Variants in TMEM117 observed in about 807,000 individuals in gnomAD.
The protein encoded by TMEM117 is transmembrane protein 117.
In TMEM117, 27 loss-of-function variants were observed where a neutral mutation model predicts 52.4. That is an observed-to-expected ratio of 0.51 (90% confidence interval 0.38 to 0.71). The LOEUF is 0.71. Ranked by LOEUF, TMEM117 falls within the 30% of genes least tolerant of loss-of-function variation. The pLI, the probability that TMEM117 is intolerant of heterozygous loss-of-function variation, is 0.00. For synonymous variants in TMEM117, 215 were observed against 206.3 expected, an observed-to-expected ratio of 1.04 and a Z score of -0.36; for missense variants, 556 against 630.5, an observed-to-expected ratio of 0.88 and a Z score of 1.26.
chr12:43,920,642 C>G (rs1246640606), intron 2 of TMEM117, among the ~76,000 whole-genome samples: 1 of 147,100 alleles, frequency 6.8e-6, no homozygotes, highest in Admixed American at 6.9e-5. Flanking sequence ...CCTCAAACTC[C>G]TGGGGCTCAA....
chr12:43,919,243 G>A (rs1356857178), intron 2 of TMEM117, among the ~76,000 whole-genome samples: 1 of 152,194 alleles, frequency 6.6e-6, no homozygotes, highest in African/African-American at 2.4e-5. Flanking sequence ...GATGTCTAGG[G>A]CTGATTCATA....
chr12:43,969,356 T>TAAGAAAAAAA (rs1945539734), intron 3 of TMEM117, among the ~76,000 whole-genome samples: 1 of 79,568 alleles, frequency 1.3e-5, no homozygotes, highest in African/African-American at 7.2e-5. Context: ...CCGTCTCTAC[T>TAAGAAAAAAA]AAAAAAAAAA....
intron 7 of TMEM117, among the ~76,000 whole-genome samples, chr12:44,380,241 C>G (rs1295964193): frequency 6.6e-6 from 1 of 152,120 alleles, no homozygotes; most frequent in African/African-American, 2.4e-5. Context: ...CTCCTAGGAG[C>G]TGAAATTTTA....
chr12:44,008,646 T>G (rs1298433471), intron 3 of TMEM117: 1 of 245,906 alleles, frequency 4.1e-6, no homozygotes, highest in Non-Finnish European at 8.1e-6. Context: ...AAACATGCCT[T>G]CCTTCTTCTG....
At chr12:44,217,723 G>T (rs17094291) in intron 5 of TMEM117, among the ~76,000 whole-genome samples, 1 of 151,984 alleles carries the variant, frequency 6.6e-6, no homozygotes, top group South Asian at 2.1e-4. Flanking sequence ...TGAGTGACTC[G>T]TATTCCAGAA....
intron 4 of TMEM117, among the ~76,000 whole-genome samples, chr12:44,164,532 A>G (rs1948938844): frequency 6.6e-6 from 1 of 152,212 alleles, no homozygotes; most frequent in Admixed American, 6.5e-5. Flanking sequence ...TACAAAGGCC[A>G]TTACAGAAAC....
At chr12:44,392,563 T>A (rs990645485), downstream of TMEM117, among the ~76,000 whole-genome samples, 1 of 152,088 alleles carries the variant, frequency 6.6e-6, no homozygotes, top group African/African-American at 2.4e-5. Context: ...AGGGTACATG[T>A]GCACAATGTG....
At chr12:44,096,567 A>G (rs1286250356) in intron 3 of TMEM117, among the ~76,000 whole-genome samples, 2 of 151,796 alleles carry the variant, frequency 1.3e-5, no homozygotes, top group African/African-American at 4.8e-5. Flanking sequence ...CCGCATATCT[A>G]CAACTATCTG....
At chr12:44,268,222 C>G (rs181638638) in intron 5 of TMEM117, among the ~76,000 whole-genome samples, 1 of 151,918 alleles carries the variant, frequency 6.6e-6, no homozygotes, top group Admixed American at 6.6e-5. Context: ...ACTGCAACCT[C>G]TGCCTCCCAG....
intron 4 of TMEM117, among the ~76,000 whole-genome samples, chr12:44,170,127 C>T (rs974620801): frequency 3.3e-5 from 5 of 151,852 alleles, no homozygotes; most frequent in African/African-American, 9.7e-5. Context: ...AAAAAGGATG[C>T]GTTCATGTCC....
intron 6 of TMEM117, among the ~76,000 whole-genome samples, chr12:44,358,936 A>G (rs1951686741): frequency 1.3e-5 from 2 of 152,156 alleles, no homozygotes; most frequent in Admixed American, 1.3e-4. Flanking sequence ...AATAACATAT[A>G]TAATTATGAT....
intron 3 of TMEM117, among the ~76,000 whole-genome samples, chr12:43,997,539 C>A (rs1260914660): frequency 6.6e-6 from 1 of 152,080 alleles, no homozygotes; most frequent in Non-Finnish European, 1.5e-5. Flanking sequence ...TCTGCTTCTT[C>A]CTTTGCATCC....
intron 3 of TMEM117, among the ~76,000 whole-genome samples, chr12:44,082,610 G>C (rs1947500429): frequency 6.6e-6 from 1 of 151,894 alleles, no homozygotes; most frequent in South Asian, 2.1e-4. Flanking sequence ...AGAAAAATTG[G>C]AAATAATTAC....
At chr12:44,311,869 A>ATATATATGTATATATG (rs1223933186) in intron 6 of TMEM117, among the ~76,000 whole-genome samples, 4 of 70,256 alleles carry the variant, frequency 5.7e-5, no homozygotes, top group African/African-American at 2.5e-4. Context: ...ATATATATGT[A>ATATATATGTATATATG]TATATATGTA....
At chr12:44,167,357 A>G (rs902152035) in intron 4 of TMEM117, among the ~76,000 whole-genome samples, 4 of 152,052 alleles carry the variant, frequency 2.6e-5, no homozygotes, top group Non-Finnish European at 5.9e-5. Flanking sequence ...TACACTGGAG[A>G]CTTGCAGTGT....
At chr12:43,911,623 C>G (rs1425556273) in intron 2 of TMEM117, among the ~76,000 whole-genome samples, 8 of 149,380 alleles carry the variant, frequency 5.4e-5, no homozygotes, top group African/African-American at 2.0e-4. Context: ...TATCCAGAAT[C>G]TACAATGAAC....
At chr12:44,354,678 A>G (rs1326269433) in intron 6 of TMEM117, among the ~76,000 whole-genome samples, 1 of 151,992 alleles carries the variant, frequency 6.6e-6, no homozygotes, top group Non-Finnish European at 1.5e-5. Flanking sequence ...TCAAAATAAT[A>G]AGAGCTATCT....
At chr12:44,101,573 A>T (rs1021167715) in intron 3 of TMEM117, among the ~76,000 whole-genome samples, 2 of 151,942 alleles carry the variant, frequency 1.3e-5, no homozygotes, top group African/African-American at 4.8e-5. Context: ...GTTCCACATC[A>T]TACTACATAC....
rs139104931 is a variant in TMEM117 at position 43,988,020 on chromosome 12, T to A, written c.410+43678T>A. ...CAGGGTATTGTTATCATATTCTAATTTTGTATCAACTAAAATAATATATTT... is the reference window on the plus strand; with the variant it reads ...CAGGGTATTGTTATCATATTCTAATATTGTATCAACTAAAATAATATATTT... On this transcript the variant is annotated intron_variant, in intron 3 of 7. Coordinates refer to ENST00000266534, the MANE Select transcript of TMEM117 (RefSeq NM_032256.3). 9.8e-3 allele frequency among the ~76,000 whole-genome samples: 1,499 copies of A among 152,266 alleles called. 20 individuals are homozygous for A. The highest frequency in any genetic ancestry group is 0.034 in the African/African-American group (1,396 of 41,578).
Sources: allele counts gnomAD v4.1 joint callset (sites outside exome capture counted in the v4.1 genomes callset), GRCh38; gene constraint gnomAD v4.1.1; transcripts MANE v1.5; gene names NCBI Gene and HGNC (gene_info 2026-07-23, HGNC 2026-07-21).